MR1: variants seen among roughly 807,000 people sequenced by gnomAD.
MR1 encodes major histocompatibility complex class I-related protein 1.
Under a neutral mutation model 37.8 loss-of-function variants are expected in MR1, and 44 were observed. That is an observed-to-expected ratio of 1.16 (90% CI 0.91 to 1.50). The LOEUF is 1.50. Among genes scored for constraint, MR1 ranks in the 40% most tolerant of loss-of-function variants. MR1 has a pLI of 0.00. For missense variants in MR1, 386 were observed against 419.1 expected, an observed-to-expected ratio of 0.92 and a Z score of 0.69; for synonymous variants, 153 against 155.8, an observed-to-expected ratio of 0.98 and a Z score of 0.13.
In MR1 at chr1:181,061,069, T is replaced by C. The variant is rs1266157046; in HGVS notation, c.*5804T>C. The C allele has an allele frequency of 1.3e-5, 2 of 152,328 alleles. No individual in the cohort carries two copies. The highest frequency in any genetic ancestry group is 2.9e-5 in the Non-Finnish European group (2 of 68,128). 9.4% of individuals were successfully genotyped at this position (152,328 alleles called of 1,614,324 possible). A position where few individuals can be genotyped will look rare whatever the true frequency, so the allele number is the denominator to read the frequency against. On this transcript the variant is annotated 3_prime_UTR_variant, in exon 6 of 6. Coordinates refer to ENST00000367580, the MANE Select transcript of MR1 (RefSeq NM_001385161.1). ...CCCTCCTGCTTCCCCATGGCTGGCA[T>C]GGCTGAGGAAAAAGGACACTGAGCA...
intron 1 of MR1, among the ~76,000 whole-genome samples, chr1:181,036,181 T>G (rs1657259876): frequency 6.6e-6 from 1 of 152,186 alleles, no homozygotes; most frequent in Non-Finnish European, 1.5e-5. Context: ...GAATAACCCC[T>G]TCTTCATGGT....
intron 1 of MR1, among the ~76,000 whole-genome samples, chr1:181,045,268 C>G (rs907531064): frequency 1.3e-4 from 20 of 152,244 alleles, no homozygotes; most frequent in African/African-American, 4.1e-4. Flanking sequence ...AAGGCTTGGA[C>G]ATGGGCATCT....
chr1:181,050,700 G>A, intron 3 of MR1: 1 of 246,534 alleles, frequency 4.1e-6, no homozygotes, highest in Non-Finnish European at 8.0e-6. Context: ...CTTTACTAAA[G>A]GATTAATGAG....
Position 181,047,938 on chromosome 1 carries a change from C to G in MR1, c.68-1114C>G, listed in dbSNP as rs542467356. ...ATAAAAAATAAATAAAATAAATAGG[C>G]CAGGCGCGGTGGCTCACGCCTGTAA... On this transcript the variant is annotated intron_variant, in intron 1 of 5. Transcript: ENST00000367580. Among the ~76,000 whole-genome samples the G allele has an allele frequency of 1.3e-4, 20 of 150,698 alleles. No homozygotes were observed. The South Asian group carries it at 1.5e-3, about 11-fold the overall frequency.
At chr1:181,047,348 C>A (rs1657942687) in intron 1 of MR1, among the ~76,000 whole-genome samples, 1 of 151,916 alleles carries the variant, frequency 6.6e-6, no homozygotes, top group African/African-American at 2.4e-5. Context: ...CACCTGTAAT[C>A]CCAGCAATTT....
rs1342646826 is a variant in MR1, at chr1:181,059,744, G to C, written c.*4479G>C. Reference sequence around the variant, plus strand: ...GCATTTATATAATCTAATCTTGGAAGTCACAAAATGTCATTCTTGTGATAC... The same window carrying C: ...GCATTTATATAATCTAATCTTGGAACTCACAAAATGTCATTCTTGTGATAC... On this transcript the variant is annotated 3_prime_UTR_variant, in exon 6 of 6. Coordinates refer to ENST00000367580, the MANE Select transcript of MR1 (RefSeq NM_001385161.1). 1 of 152,212 alleles carries C rather than the reference G, an allele frequency of 6.6e-6. No individual in the cohort carries two copies. The highest frequency in any genetic ancestry group is 1.5e-5 in the Non-Finnish European group (1 of 68,050). The allele number at this position is 152,212 out of a possible 1,614,324, so 9.4% of individuals were successfully genotyped here.
In MR1 at chr1:181,050,173, C is replaced by G. The variant is rs1321676042; in HGVS notation, c.491C>G (p.Ala164Gly). The G allele has an allele frequency of 4.1e-5, 66 of 1,614,090 alleles. No individual in the cohort carries two copies. The highest frequency in any genetic ancestry group is 5.4e-5 in the Non-Finnish European group (64 of 1,180,054). ...VDNVAHTIKQ[A>G]WEANQHELLY... ...AATGTGGCTCACACCATCAAGCAGG[C>G]ATGGGAGGCCAATCAGCATGAGTTG... Residue 164 changes from alanine to glycine, a missense_variant, in exon 3 of 6, where the codon GCA becomes GGA. By Grantham distance (60) the Ala-to-Gly change is moderately conservative (BLOSUM62 0). Transcript: ENST00000367580.
chr1:181,052,500 G>T lies in MR1; in HGVS notation c.870G>T (p.Gln290His). The T allele has an allele frequency of 6.2e-7, 1 of 1,610,610 alleles. No homozygotes were observed. Among genetic ancestry groups the T allele is most frequent in the South Asian group, 1.1e-5 (1 of 91,036 alleles). The part of the protein sequence containing the change: ...VEHCGVHMVL[Q>H]VPQESETIPL... ...ACTGCGGTGTCCACATGGTTCTTCA[G>T]GTCCCCCAGGGTAAGGACGGGGATC... is the stretch of plus-strand genomic sequence containing the variant. The change falls in exon 4 of 6, where the codon CAG becomes CAT. Residue 290 changes from glutamine to histidine, a missense_variant. Physicochemically the swap from Gln to His is conservative, Grantham distance 24. Coordinates refer to ENST00000367580, the MANE Select transcript of MR1 (RefSeq NM_001385161.1).
intron 2 of MR1, 191 bp downstream of exon 2, chr1:181,049,503 G>C (rs1658162263): frequency 9.1e-6 from 6 of 658,618 alleles, no homozygotes; most frequent in Non-Finnish European, 1.5e-5. Flanking sequence ...CTCTCCCCCA[G>C]GAGCACTCTG....
chr1:181,055,230 A>T lies in MR1; in HGVS notation c.991A>T (p.Asn331Tyr). ...LVWRRRPREQNGAIYLPTPDR is the reference protein window; with the variant it reads ...LVWRRRPREQYGAIYLPTPDR ...AAAAACCCCTTTCCTTTCAGAGCAA[A>T]ATGGAGCCATCTACCTTCCAACACC... The change falls in exon 6 of 6, where the codon AAT becomes TAT. Residue 331 changes from asparagine (N) to tyrosine (Y), a missense_variant. Transcript: ENST00000367580. 1 of 1,613,798 alleles carries T rather than the reference A, an allele frequency of 6.2e-7. No homozygotes were observed. The highest frequency in any genetic ancestry group is 1.1e-5 in the South Asian group (1 of 91,076).
At position 181,040,395 on chromosome 1, in the gene MR1, A is replaced by G. The variant is rs117854598; in HGVS notation, c.67+6321A>G. 6.6e-3 allele frequency among the ~76,000 whole-genome samples: 1,013 copies of G among 152,332 alleles called. 30 individuals carry two copies. In the East Asian group the frequency reaches 0.078, roughly 12 times the overall value. On this transcript the variant is annotated intron_variant, in intron 1 of 5. Transcript: ENST00000367580. The stretch of plus-strand genomic sequence containing the variant: ...TCTGCAACAAATCCTGGTGGGATAT[A>G]AATTATCACAAGTTTTAATGTACTA...
rs1170630043 is a variant in MR1, at chr1:181,061,598, G to T, written c.*6333G>T. ...TCCAAACGGTTAAAATTCCCTGGAAGATGTTACATAATCCTATCATGGTGT... is the reference window on the plus strand; with the variant it reads ...TCCAAACGGTTAAAATTCCCTGGAATATGTTACATAATCCTATCATGGTGT... On this transcript the variant is annotated 3_prime_UTR_variant, in exon 6 of 6. Transcript: ENST00000367580. The T allele has an allele frequency of 6.6e-6, 1 of 152,226 alleles. No individual in the cohort carries two copies. Among genetic ancestry groups the T allele is most frequent in the East Asian group, 1.9e-4 (1 of 5,200 alleles). 9.4% of individuals were successfully genotyped at this position (152,226 alleles called of 1,614,324 possible).
At chr1:181,052,537 G>A in intron 4 of MR1, 27 bp downstream of exon 4, 1 of 1,601,702 alleles carries the variant, frequency 6.2e-7, no homozygotes, top group Non-Finnish European at 8.5e-7. Context: ...TGGCTGTCTA[G>A]GGAGAGAGCC....
chr1:181,051,441 G>A (rs1443063731), intron 3 of MR1, among the ~76,000 whole-genome samples: 3 of 152,132 alleles, frequency 2.0e-5, no homozygotes, highest in Non-Finnish European at 2.9e-5. Context: ...AGCATTGTTG[G>A]AGTGAAGGCT....
At chr1:181,051,206 A>C (rs1177421343) in intron 3 of MR1, 1 of 151,876 alleles carries the variant, frequency 6.6e-6, no homozygotes, top group Non-Finnish European at 1.5e-5. Context: ...GTCTACATTC[A>C]GTGTCCTAAT....
upstream of MR1, chr1:181,033,840 C>T (rs1364246015): frequency 8.9e-6 from 5 of 562,316 alleles, no homozygotes; most frequent in Non-Finnish European, 1.2e-5. Context: ...TAAAAGTTAC[C>T]GAAGAAGGTG....
rs1658620562 is a variant in MR1, at chr1:181,056,388, T to C, written c.*1123T>C. 6.7e-6 allele frequency: 1 copy of C among 148,742 alleles called. No individual in the cohort carries two copies. The highest frequency in any genetic ancestry group is 2.5e-5 in the African/African-American group (1 of 40,508). The allele number at this position is 148,742 out of a possible 1,614,324, so 9.2% of individuals were successfully genotyped here. On this transcript the variant is annotated 3_prime_UTR_variant, in exon 6 of 6. Coordinates refer to ENST00000367580, the MANE Select transcript of MR1 (RefSeq NM_001385161.1). ...AAAATAATAATAATAATAATAATAA[T>C]AATAATAATAATAATAACAGTATAT...
rs372194193 is a variant in MR1, at chr1:181,053,727, T to G, written c.985+50T>G. On this transcript the variant is annotated intron_variant, in intron 5 of 5. Transcript: ENST00000367580. Reference sequence around the variant, plus strand: ...AGGGGGCTGCAGACTCTCCTGCATCTCTCCAGTTTTATTTTCTGCACCTGC... The same window carrying G: ...AGGGGGCTGCAGACTCTCCTGCATCGCTCCAGTTTTATTTTCTGCACCTGC... The G allele has an allele frequency of 1.8e-5, 23 of 1,311,570 alleles. No individual in the cohort carries two copies. The African/African-American group carries it at 2.9e-4, about 17-fold the overall frequency. 81.2% of individuals were successfully genotyped at this position (1,311,570 alleles called of 1,614,324 possible). A position where few individuals can be genotyped will look rare whatever the true frequency, so the allele number is the denominator to read the frequency against.
At chr1:181,045,943 G>C (rs962074247) in intron 1 of MR1, among the ~76,000 whole-genome samples, 3 of 152,230 alleles carry the variant, frequency 2.0e-5, no homozygotes, top group African/African-American at 4.8e-5. Flanking sequence ...CGGCCCTGCC[G>C]GCCCGGGCAA....
Sources: allele counts gnomAD v4.1 joint callset (sites outside exome capture counted in the v4.1 genomes callset), GRCh38; gene constraint gnomAD v4.1.1; transcripts MANE v1.5; gene names NCBI Gene and HGNC (gene_info 2026-07-23, HGNC 2026-07-21).